Variants in FLACC1 observed in about 807,000 individuals in gnomAD.
FLACC1 encodes flagellum associated containing coiled-coil domains 1.
FLACC1 carries 66 observed loss-of-function variants against 62.8 expected under a neutral mutation model. The observed-to-expected ratio is 1.05, with a 90% CI of 0.86 to 1.29. FLACC1 has a LOEUF of 1.29. Ranked by LOEUF, FLACC1 falls within the 50% of genes most tolerant of loss-of-function variation. The probability of loss-of-function intolerance (pLI) is 0.00; values close to 1 mark genes in which losing one functional copy is unlikely to be tolerated. For missense variants in FLACC1, 452 were observed against 489.1 expected (o/e 0.92, Z 0.71); for synonymous variants, 156 against 161.0 (o/e 0.97, Z 0.24).
At chr2:201,296,913 G>A (rs13009885) in intron 12 of FLACC1, among the ~76,000 whole-genome samples, 51,164 of 152,064 alleles carry the variant, frequency 0.34, 10,148 homozygotes, top group East Asian at 0.48. Flanking sequence ...GGAAAGCAAC[G>A]GAACTAAGGA....
In FLACC1 at chr2:201,328,081, C is replaced by CACTTAAAAGTGGGAGCTAAG. The variant is rs575460844; in HGVS notation, c.675+2369_675+2388dup. 2.8e-4 allele frequency among the ~76,000 whole-genome samples: 42 copies of CACTTAAAAGTGGGAGCTAAG among 152,108 alleles called. No individual in the cohort carries two copies. In the East Asian group the frequency reaches 7.5e-3, roughly 27 times the overall value. On this transcript the variant is annotated intron_variant, in intron 9 of 14. Coordinates refer to ENST00000392257, the MANE Select transcript of FLACC1 (RefSeq NM_001127391.3). ...TGGAAAACCAAAAACTGTATGATGT[C>CACTTAAAAGTGGGAGCTAAG]ACTTAAAAGTGGGAGCTAAGTCATG...
intron 7 of FLACC1, among the ~76,000 whole-genome samples, chr2:201,332,969 CTT>C (rs1950624297): frequency 6.6e-6 from 1 of 152,206 alleles, no homozygotes; most frequent in East Asian, 1.9e-4. Flanking sequence ...CTGATGGACA[CTT>C]AAGTTGATTC....
Position 201,307,972 on chromosome 2 carries a change from A to G in FLACC1, c.776-350T>C, listed in dbSNP as rs142123270. ...TCTTAAAATAAAGCTCTTGGCTAAC[A>G]TTACTTTGCCAGCAATAAAATTCAT... On this transcript the variant is annotated intron_variant, in intron 10 of 14. Coordinates refer to ENST00000392257, the MANE Select transcript of FLACC1 (RefSeq NM_001127391.3). Among the ~76,000 whole-genome samples, 25 of 152,344 alleles carry G rather than the reference A, an allele frequency of 1.6e-4. 1 individual carries two copies. In the East Asian group the frequency reaches 4.8e-3, roughly 29 times the overall value.
chr2:201,345,450 T>TTGTGTG (rs56229607), intron 5 of FLACC1, among the ~76,000 whole-genome samples: 6,550 of 144,138 alleles, frequency 0.045, 198 homozygotes, highest in African/African-American at 0.067. Context: ...AGGTAGATGA[T>TTGTGTG]TGTGTGTGTG....
At chr2:201,289,895 A>G in intron 12 of FLACC1, 110 bp from the exon 13 acceptor site, 1 of 1,586,538 alleles carries the variant, frequency 6.3e-7, no homozygotes, top group South Asian at 1.2e-5. Flanking sequence ...CTACTTTTGC[A>G]TCACTCATGG....
intron 12 of FLACC1, among the ~76,000 whole-genome samples, chr2:201,294,678 G>T (rs570967617): frequency 0.015 from 2,222 of 152,210 alleles, 51 homozygotes; most frequent in African/African-American, 0.051. Flanking sequence ...CCAGGGCAAT[G>T]AGGCAGGAGA....
At chr2:201,315,164 A>G (rs1950286263) in intron 9 of FLACC1, among the ~76,000 whole-genome samples, 1 of 152,192 alleles carries the variant, frequency 6.6e-6, no homozygotes, top group Non-Finnish European at 1.5e-5. Context: ...CAAGGCATAC[A>G]GGAAACAAAT....
At chr2:201,303,287 G>GAAT (rs1400065556) in intron 11 of FLACC1, among the ~76,000 whole-genome samples, 1 of 152,002 alleles carries the variant, frequency 6.6e-6, no homozygotes, top group African/African-American at 2.4e-5. Flanking sequence ...TACCATCAGA[G>GAAT]AATACTATAA....
chr2:201,352,931 C>T (rs1204846949), intron 1 of FLACC1, among the ~76,000 whole-genome samples: 1 of 152,184 alleles, frequency 6.6e-6, no homozygotes, highest in East Asian at 1.9e-4. Flanking sequence ...GGGGCAGCAT[C>T]TAGAAGCTGG....
intron 10 of FLACC1, among the ~76,000 whole-genome samples, chr2:201,308,607 C>T (rs1282889509): frequency 1.3e-5 from 2 of 152,036 alleles, no homozygotes; most frequent in Non-Finnish European, 2.9e-5. Context: ...TGAACAAGTC[C>T]AATGGGGGTG....
Position 201,307,636 on chromosome 2 carries a change from A to T in FLACC1, c.776-14T>A, listed in dbSNP as rs1218120299. 1 of 1,563,786 alleles carries T rather than the reference A, an allele frequency of 6.4e-7. No individual in the cohort carries two copies. The highest frequency in any genetic ancestry group is 8.8e-7 in the Non-Finnish European group (1 of 1,134,430). On this transcript the variant is annotated splice_polypyrimidine_tract_variant and intron_variant, in intron 10 of 14. Transcript: ENST00000392257. ...TCATCTTTTTTTCTGTGGAAGTGAC[A>T]GGAAAGCACATATATGTGTAAAGAT...
intron 7 of FLACC1, 117 bp downstream of exon 7, chr2:201,342,253 C>A: frequency 2.9e-6 from 3 of 1,029,708 alleles, no homozygotes; most frequent in Non-Finnish European, 4.4e-6. Context: ...CTCCCCCACC[C>A]TTCATCCCCC....
At chr2:201,342,311 A>C (rs1319510487) in intron 7 of FLACC1, 59 bp downstream of exon 7, 2 of 1,571,648 alleles carry the variant, frequency 1.3e-6, no homozygotes, top group African/African-American at 2.7e-5. Context: ...AAATCCTGCA[A>C]AGGATGCGGG....
At chr2:201,330,217 A>G (rs905614293) in intron 9 of FLACC1, among the ~76,000 whole-genome samples, 3 of 152,240 alleles carry the variant, frequency 2.0e-5, no homozygotes, top group Non-Finnish European at 2.9e-5. Context: ...ATTACAAAAA[A>G]TGAGAAGCTA....
chr2:201,314,976 A>T (rs948619680), intron 9 of FLACC1, among the ~76,000 whole-genome samples: 5 of 152,228 alleles, frequency 3.3e-5, no homozygotes, highest in Admixed American at 2.6e-4. Flanking sequence ...TTTTTCAGGC[A>T]AACAAATGCT....
At chr2:201,318,268 C>A (rs1200123097) in intron 9 of FLACC1, among the ~76,000 whole-genome samples, 4 of 152,154 alleles carry the variant, frequency 2.6e-5, no homozygotes, top group African/African-American at 4.8e-5. Flanking sequence ...AACTAAAGAG[C>A]TTTTGCATGG....
chr2:201,313,035 A>G (rs181799550), intron 9 of FLACC1, among the ~76,000 whole-genome samples: 1 of 152,330 alleles, frequency 6.6e-6, no homozygotes, highest in East Asian at 1.9e-4. Flanking sequence ...ATATAGGGGT[A>G]AAGGAAGTAG....
In FLACC1 at chr2:201,346,039, C is replaced by T. The variant is rs368293904; in HGVS notation, c.368+503G>A. ...TATTAGCCGGGCGTCATGGTGCAAG[C>T]CTGTAATCCTAGCTACTCAAGAGGT... On this transcript the variant is annotated intron_variant, in intron 5 of 14. Transcript: ENST00000392257. The surrounding 1 kb of genome is among the most constrained non-coding windows in gnomAD (Gnocchi z 4.0). Among the ~76,000 whole-genome samples the T allele has an allele frequency of 6.6e-6, 1 of 152,056 alleles. No homozygotes were observed. Among genetic ancestry groups the T allele is most frequent in the African/African-American group, 2.4e-5 (1 of 41,406 alleles).
intron 1 of FLACC1, among the ~76,000 whole-genome samples, 178 bp downstream of exon 1, chr2:201,356,804 G>A (rs1244725785): frequency 7.6e-6 from 1 of 132,426 alleles, no homozygotes; most frequent in African/African-American, 2.6e-5. Flanking sequence ...GTGTGAGTGT[G>A]TGTAAGGATT....
Sources: allele counts gnomAD v4.1 joint callset (sites outside exome capture counted in the v4.1 genomes callset), GRCh38; gene constraint gnomAD v4.1.1; non-coding constraint Gnocchi (gnomAD v3.1); transcripts MANE v1.5; gene names NCBI Gene and HGNC (gene_info 2026-07-23, HGNC 2026-07-21).